KCNU1: variants seen among roughly 807,000 people sequenced by gnomAD.
The protein encoded by KCNU1 is potassium channel subfamily U member 1.
Under a neutral mutation model 126.8 loss-of-function variants are expected in KCNU1, and 93 were observed. The ratio of observed to expected loss-of-function variants is 0.73; its 90% CI spans 0.62 to 0.87. The LOEUF is 0.87. Ranked by LOEUF, KCNU1 falls within the 40% of genes least tolerant of loss-of-function variation. The pLI, the probability that KCNU1 is intolerant of heterozygous loss-of-function variation, is 0.00. For missense variants in KCNU1, 1,330 were observed against 1,367.1 expected (o/e 0.97, Z 0.43); for synonymous variants, 523 against 494.2 (o/e 1.06, Z -0.77).
intron 24 of KCNU1, among the ~76,000 whole-genome samples, chr8:36,925,012 G>GA (rs1406061811): frequency 6.6e-6 from 1 of 152,118 alleles, no homozygotes; most frequent in African/African-American, 2.4e-5. Flanking sequence ...GAGGAACACA[G>GA]ATTTGGTCAT....
At position 36,843,719 on chromosome 8, in the gene KCNU1, G is replaced by C. The variant is rs889997593; in HGVS notation, c.1704-1861G>C. 2.6e-5 allele frequency among the ~76,000 whole-genome samples: 4 copies of C among 152,208 alleles called. No homozygotes were observed. The East Asian group carries it at 7.7e-4, about 29-fold the overall frequency. ...AATATATTGAAATTCTGGGGAAAAA[G>C]CCTATCTTTTCTCACTTTTTAGCTC... On this transcript the variant is annotated intron_variant, in intron 16 of 26. Transcript: ENST00000399881.
chr8:36,903,216 A>C (rs965338162), intron 19 of KCNU1, among the ~76,000 whole-genome samples: 4 of 152,118 alleles, frequency 2.6e-5, no homozygotes, highest in Non-Finnish European at 5.9e-5. Context: ...TGAAAAAAAA[A>C]TAAGATGTAA....
At chr8:36,862,655 A>C (rs1162491255) in intron 18 of KCNU1, among the ~76,000 whole-genome samples, 1 of 152,228 alleles carries the variant, frequency 6.6e-6, no homozygotes, top group South Asian at 2.1e-4. Context: ...AGAATGATTC[A>C]AGGAAAAATT....
chr8:36,916,559 C>T lies in KCNU1; in HGVS notation c.2522-2264C>T, dbSNP rs767786457. Among the ~76,000 whole-genome samples the T allele has an allele frequency of 3.9e-5, 6 of 152,202 alleles. No homozygotes were observed. The South Asian group carries it at 6.2e-4, about 16-fold the overall frequency. On this transcript the variant is annotated intron_variant, in intron 22 of 26. Transcript: ENST00000399881. ...AGAATAAAATAGAACTTTAATTCCC[C>T]CAAGTCTTCCTGCATTATGGAAATT...
At chr8:36,792,908 A>G (rs906668986) in intron 2 of KCNU1, among the ~76,000 whole-genome samples, 3 of 152,132 alleles carry the variant, frequency 2.0e-5, no homozygotes, top group Admixed American at 1.3e-4. Context: ...GTAAACCATG[A>G]CTAATATTGA....
intron 19 of KCNU1, among the ~76,000 whole-genome samples, chr8:36,897,875 G>A (rs889842144): frequency 1.3e-5 from 2 of 152,070 alleles, no homozygotes; most frequent in African/African-American, 2.4e-5. Flanking sequence ...TAGCCATTGT[G>A]TAACACACAG....
At position 36,809,454 on chromosome 8, in the gene KCNU1, CT is replaced by C. The variant is rs774600224; in HGVS notation, c.732+667del. On this transcript the variant is annotated intron_variant, in intron 7 of 26. Coordinates refer to ENST00000399881, the MANE Select transcript of KCNU1 (RefSeq NM_001031836.3). The stretch of plus-strand genomic sequence containing the variant: ...AAACAAAACAGAATGCATAACAGGT[CT>C]TTTTTATCTGAGCCCTTCTCTCAAA... Among the ~76,000 whole-genome samples, 236 of 152,228 alleles carry C rather than the reference CT, an allele frequency of 1.6e-3. 1 individual carries two copies. The highest frequency in any genetic ancestry group is 2.7e-3 in the Non-Finnish European group (185 of 67,990).
chr8:36,789,705 T>C (rs1221208725), intron 2 of KCNU1, among the ~76,000 whole-genome samples: 1 of 152,196 alleles, frequency 6.6e-6, no homozygotes, highest in East Asian at 1.9e-4. Context: ...GGTATGGTTG[T>C]TACAGAGTAA....
In KCNU1 at chr8:36,807,381, G is replaced by T; in HGVS notation, c.587G>T (p.Arg196Met). ...CCTTTCCATTGGTTTGTAGGTTTAA[G>T]GTTCCTAAGAGCCTTGCGCCTGCTA... ...YYLKSNWLGLRFLRALRLLEL... is the reference protein window; with the variant it reads ...YYLKSNWLGLMFLRALRLLEL... The change falls in exon 6 of 27, where the codon AGG becomes ATG. Residue 196 changes from arginine to methionine, a missense_variant. Arg to Met is a moderately conservative substitution (Grantham distance 91). Around this residue, in one of 3 missense-constraint regions of KCNU1, gnomAD observed 247 missense variants for 255.4 expected, o/e 0.97. Coordinates refer to ENST00000399881, the MANE Select transcript of KCNU1 (RefSeq NM_001031836.3). 2 of 1,613,192 alleles carry T rather than the reference G, an allele frequency of 1.2e-6. No individual in the cohort carries two copies. Among genetic ancestry groups the T allele is most frequent in the South Asian group, 1.1e-5 (1 of 91,054 alleles).
chr8:36,843,861 C>T (rs1805044595), intron 16 of KCNU1, among the ~76,000 whole-genome samples: 1 of 152,040 alleles, frequency 6.6e-6, no homozygotes, highest in South Asian at 2.1e-4. Context: ...TGGATCTGAC[C>T]CCATCACTTA....
chr8:36,912,221 A>G (rs1005878842), intron 22 of KCNU1, among the ~76,000 whole-genome samples: 9 of 152,210 alleles, frequency 5.9e-5, no homozygotes, highest in Non-Finnish European at 1.3e-4. Context: ...TGTCGATAAC[A>G]ATGTTCGTGA....
intron 10 of KCNU1, among the ~76,000 whole-genome samples, chr8:36,824,463 T>A (rs1021154480): frequency 4.6e-5 from 7 of 152,226 alleles, no homozygotes; most frequent in Admixed American, 4.6e-4. Flanking sequence ...AATGTTATTA[T>A]AGGCATGTAT....
chr8:36,788,003 C>A (rs1802775565), intron 2 of KCNU1, among the ~76,000 whole-genome samples: 1 of 151,708 alleles, frequency 6.6e-6, no homozygotes, highest in Non-Finnish European at 1.5e-5. Flanking sequence ...GATGGGTGTG[C>A]ACATAGATAT....
intron 19 of KCNU1, among the ~76,000 whole-genome samples, chr8:36,887,959 G>A (rs1806783653): frequency 6.6e-6 from 1 of 152,094 alleles, no homozygotes; most frequent in Admixed American, 6.6e-5. Flanking sequence ...GAAGGGACGG[G>A]GGTATCATGA....
At chr8:36,893,757 C>T in intron 19 of KCNU1, among the ~76,000 whole-genome samples, 1 of 152,068 alleles carries the variant, frequency 6.6e-6, no homozygotes, top group East Asian at 1.9e-4. Context: ...CAGTTTATTT[C>T]CAGAACTCTG....
chr8:36,836,254 GC>G (rs1563285534), intron 12 of KCNU1, 41 bp from the exon 13 acceptor site: 1 of 1,255,386 alleles, frequency 8.0e-7, no homozygotes, highest in East Asian at 2.3e-5. Context: ...AAGCCCTTTG[GC>G]TATGACACAT....
intron 19 of KCNU1, among the ~76,000 whole-genome samples, chr8:36,889,472 GA>G (rs959301749): frequency 1.3e-4 from 19 of 149,924 alleles, no homozygotes; most frequent in Admixed American, 4.0e-4. Flanking sequence ...CACTTTTAAG[GA>G]AAAAAAAACT....
At chr8:36,807,511 T>G (rs542632468) in intron 6 of KCNU1, 61 bp downstream of exon 6, 1 of 1,185,736 alleles carries the variant, frequency 8.4e-7, no homozygotes, top group Admixed American at 1.7e-5. Context: ...ATGAATGTAT[T>G]AACTGGACCC....
chr8:36,912,602 T>TTG lies in KCNU1; in HGVS notation c.2521+1504_2521+1505dup, dbSNP rs138894397. Among the ~76,000 whole-genome samples, 348 of 148,662 alleles carry TTG rather than the reference T, an allele frequency of 2.3e-3. 1 individual carries two copies. The highest frequency in any genetic ancestry group is 4.7e-3 in the East Asian group (24 of 5,092). On this transcript the variant is annotated intron_variant, in intron 22 of 26. Transcript: ENST00000399881. ...GTCACTCCTTGGATTCACTCATCATTTGTGTGTGTGTGTGTGTGTGTGCAT... is the reference window on the plus strand; with the variant it reads ...GTCACTCCTTGGATTCACTCATCATTTGTGTGTGTGTGTGTGTGTGTGTGCAT...
Sources: allele counts gnomAD v4.1 joint callset (sites outside exome capture counted in the v4.1 genomes callset), GRCh38; gene constraint gnomAD v4.1.1; regional missense constraint gnomAD v4.1.1; transcripts MANE v1.5; gene names NCBI Gene and HGNC (gene_info 2026-07-23, HGNC 2026-07-21).